Variants in PACRG observed in about 807,000 individuals in gnomAD.
The protein encoded by PACRG is parkin coregulated, also known as parkin coregulated gene protein.
A neutral mutation model predicts 29.7 loss-of-function variants in PACRG; 29 were observed. The observed-to-expected ratio is 0.98, with a 90% CI of 0.73 to 1.33. The LOEUF is 1.33. Among genes scored for constraint, PACRG ranks in the 40% most tolerant of loss-of-function variants. The pLI is 0.00. For synonymous variants in PACRG, 116 were observed against 118.7 expected, an observed-to-expected ratio of 0.98 and a Z score of 0.15; for missense variants, 279 against 316.2, an observed-to-expected ratio of 0.88 and a Z score of 0.89.
At chr6:162,937,937 G>C (rs2128114414) in intron 2 of PACRG, among the ~76,000 whole-genome samples, 1 of 152,024 alleles carries the variant, frequency 6.6e-6, no homozygotes, top group African/African-American at 2.4e-5. Flanking sequence ...GGCAAAGGTG[G>C]TATTTGGTCA....
In PACRG at chr6:162,743,796, C is replaced by T. The variant is rs903522500; in HGVS notation, c.156+15405C>T. On this transcript the variant is annotated intron_variant, in intron 1 of 4. Transcript: ENST00000366888. Reference sequence around the variant, plus strand: ...TATTCTCAGAGTTGCACGTATATCACCACAATCAATTTTGAAACATTTTCC... The same window carrying T: ...TATTCTCAGAGTTGCACGTATATCATCACAATCAATTTTGAAACATTTTCC... Among the ~76,000 whole-genome samples the T allele has an allele frequency of 6.6e-5, 10 of 152,162 alleles. No homozygotes were observed. In the South Asian group the frequency reaches 8.3e-4, roughly 13 times the overall value.
chr6:163,184,948 G>A (rs922447062), intron 4 of PACRG: 1 of 152,220 alleles, frequency 6.6e-6, no homozygotes, highest in African/African-American at 2.4e-5. Context: ...GGGACAAGCA[G>A]TAGAAATTAG....
At chr6:163,293,527 C>T (rs1784685954) in intron 4 of PACRG, among the ~76,000 whole-genome samples, 1 of 152,210 alleles carries the variant, frequency 6.6e-6, no homozygotes, top group African/African-American at 2.4e-5. Flanking sequence ...CTGACAGTTA[C>T]ATCATGAACT....
At chr6:163,193,947 C>T (rs1372354671) in intron 4 of PACRG, among the ~76,000 whole-genome samples, 1 of 145,634 alleles carries the variant, frequency 6.9e-6, no homozygotes, top group Non-Finnish European at 1.5e-5. Context: ...GGCTGGAGTG[C>T]AGTGCCGCGA....
chr6:163,042,449 T>C (rs1438419357), intron 2 of PACRG: 2 of 152,252 alleles, frequency 1.3e-5, no homozygotes, highest in African/African-American at 2.4e-5. Context: ...TTATTCTCTG[T>C]GGATTTGAAT....
At chr6:163,240,179 G>C (rs1782441446) in intron 4 of PACRG, among the ~76,000 whole-genome samples, 1 of 152,092 alleles carries the variant, frequency 6.6e-6, no homozygotes. Flanking sequence ...CCGCACCTGT[G>C]CCTCCGCCGG....
chr6:162,970,215 C>CT (rs1331326179), intron 2 of PACRG, among the ~76,000 whole-genome samples: 6 of 152,112 alleles, frequency 3.9e-5, no homozygotes, highest in African/African-American at 1.4e-4. Flanking sequence ...GCTCTAAAAT[C>CT]CCCCAGGCTG....
intron 4 of PACRG, among the ~76,000 whole-genome samples, chr6:163,248,942 G>A (rs1266589450): frequency 1.3e-5 from 2 of 150,242 alleles, no homozygotes; most frequent in East Asian, 3.9e-4. Context: ...CGTGAACCCG[G>A]GAGGCAGAAC....
At chr6:163,185,891 C>G (rs1399777190) in intron 4 of PACRG, among the ~76,000 whole-genome samples, 2 of 152,264 alleles carry the variant, frequency 1.3e-5, no homozygotes, top group Non-Finnish European at 2.9e-5. Context: ...AGCTGCTTCC[C>G]TGTGTCTCCT....
chr6:162,747,369 T>TAC (rs1562556595), intron 1 of PACRG, among the ~76,000 whole-genome samples: 3 of 44,166 alleles, frequency 6.8e-5, no homozygotes, highest in African/African-American at 3.3e-4. Context: ...TATATACACA[T>TAC]ACATATATAT....
intron 1 of PACRG, among the ~76,000 whole-genome samples, chr6:162,787,650 CAT>C (rs1784614578): frequency 7.8e-6 from 1 of 128,876 alleles, no homozygotes; most frequent in Non-Finnish European, 1.6e-5. Context: ...GCTAGGCAGA[CAT>C]ATGTCTGAAG....
chr6:163,260,504 C>G (rs1402601233), intron 4 of PACRG, among the ~76,000 whole-genome samples: 1 of 152,202 alleles, frequency 6.6e-6, no homozygotes, highest in African/African-American at 2.4e-5. Context: ...TATTTCTGTT[C>G]CTAATTGCTA....
At chr6:163,159,445 C>T (rs897929827) in intron 4 of PACRG, among the ~76,000 whole-genome samples, 1 of 151,354 alleles carries the variant, frequency 6.6e-6, no homozygotes, top group Non-Finnish European at 1.5e-5. Flanking sequence ...GTTATTCTAC[C>T]CTTATTATAA....
intron 2 of PACRG, among the ~76,000 whole-genome samples, chr6:163,028,496 T>G (rs926287120): frequency 2.0e-5 from 3 of 152,208 alleles, no homozygotes; most frequent in Non-Finnish European, 4.4e-5. Flanking sequence ...CACAAGGGCT[T>G]GCTTCTGGAT....
chr6:163,063,328 C>T (rs1418864862), intron 3 of PACRG, among the ~76,000 whole-genome samples: 1 of 152,040 alleles, frequency 6.6e-6, no homozygotes, highest in African/African-American at 2.4e-5. Context: ...CCCTGCTCCC[C>T]CCGCCCCAAG....
In PACRG at chr6:162,741,109, T is replaced by TA. The variant is rs200561173; in HGVS notation, c.156+12725dup. Among the ~76,000 whole-genome samples the TA allele has an allele frequency of 3.4e-3, 514 of 152,218 alleles. 3 individuals are homozygous for TA. Among genetic ancestry groups the TA allele is most frequent in the African/African-American group, 0.012 (482 of 41,526 alleles). ...TTATTTAATCATGATGTATTTAGCTTAAAAAAACAAGCATAAATTATTGGT... is the reference window on the plus strand; with the variant it reads ...TTATTTAATCATGATGTATTTAGCTTAAAAAAAACAAGCATAAATTATTGGT... On this transcript the variant is annotated intron_variant, in intron 1 of 4. Coordinates refer to ENST00000366888, the MANE Select transcript of PACRG (RefSeq NM_001080379.2).
At chr6:162,744,748 A>G (rs543815124) in intron 1 of PACRG, among the ~76,000 whole-genome samples, 2 of 152,326 alleles carry the variant, frequency 1.3e-5, no homozygotes, top group African/African-American at 2.4e-5. Context: ...TAAAGATTTT[A>G]AAAACATGAC....
At chr6:163,282,072 A>T (rs1180487131) in intron 4 of PACRG, among the ~76,000 whole-genome samples, 2 of 152,244 alleles carry the variant, frequency 1.3e-5, no homozygotes, top group African/African-American at 4.8e-5. Context: ...CACTTGAAAA[A>T]AAGGGCAATT....
intron 4 of PACRG, among the ~76,000 whole-genome samples, chr6:163,285,950 C>G (rs556233282): frequency 6.6e-6 from 1 of 152,294 alleles, no homozygotes; most frequent in South Asian, 2.1e-4. Flanking sequence ...ACAGAGGCTC[C>G]TTGTCTTGAA....
Sources: gnomAD v4.1 joint callset for allele counts (sites outside exome capture counted in the v4.1 genomes callset) on GRCh38, gnomAD v4.1.1 for gene constraint, MANE v1.5 for transcripts, NCBI Gene and HGNC (gene_info 2026-07-23, HGNC 2026-07-21) for gene names.